RBFOX3: variants seen among roughly 807,000 people sequenced by gnomAD.
RBFOX3 encodes the protein RNA binding fox-1 homolog 3.
In RBFOX3, 17 loss-of-function variants were observed where a neutral mutation model predicts 48.7. The observed-to-expected ratio is 0.35, with a 90% CI of 0.24 to 0.52. The LOEUF (loss-of-function observed/expected upper bound fraction) is 0.52, where lower values mean the gene tolerates loss of function less well. RBFOX3 is among the 20% of genes least tolerant of loss of function. The probability of loss-of-function intolerance (pLI) is 0.94; values close to 1 mark genes in which losing one functional copy is unlikely to be tolerated. For missense variants in RBFOX3, 382 were observed against 497.5 expected (o/e 0.77, Z 2.21); for synonymous variants, 212 against 209.5 (o/e 1.01, Z -0.10).
In RBFOX3 at chr17:79,473,236, C is replaced by A. The variant is rs934975694; in HGVS notation, c.-175+9218G>T. Among the ~76,000 whole-genome samples, 2 of 152,224 alleles carry A rather than the reference C, an allele frequency of 1.3e-5. No individual in the cohort carries two copies. Among genetic ancestry groups the A allele is most frequent in the African/African-American group, 4.8e-5 (2 of 41,456 alleles). ...AGCACCTCACGGGCTGGCACCCATC[C>A]ACAGACCTCACTTTGAGTAGCTGAG... On this transcript the variant is annotated intron_variant, in intron 2 of 14. Transcript: ENST00000693108. This position sits in a 1 kb window ranked among gnomAD's most constrained non-coding sequence, Gnocchi z 4.2.
intron 6 of RBFOX3, among the ~76,000 whole-genome samples, chr17:79,104,480 AT>A (rs2077005372): frequency 6.6e-6 from 1 of 151,834 alleles, no homozygotes; most frequent in African/African-American, 2.4e-5. Flanking sequence ...CCAGCTGGGC[AT>A]GGGGGTAGGC....
intron 2 of RBFOX3, among the ~76,000 whole-genome samples, chr17:79,445,155 A>G (rs2071979684): frequency 6.6e-6 from 1 of 152,188 alleles, no homozygotes; most frequent in Admixed American, 6.5e-5. Flanking sequence ...TCATCAGTCG[A>G]TAGACATTGA....
chr17:79,267,353 T>C (rs73416112), intron 3 of RBFOX3, among the ~76,000 whole-genome samples: 5,444 of 152,106 alleles, frequency 0.036, 288 homozygotes, highest in African/African-American at 0.12. Flanking sequence ...AGTCCTGAAA[T>C]GCTGTGACCC....
At chr17:79,166,259 A>C (rs1208264843) in intron 4 of RBFOX3, among the ~76,000 whole-genome samples, 1 of 146,596 alleles carries the variant, frequency 6.8e-6, no homozygotes, top group Non-Finnish European at 1.5e-5. Flanking sequence ...TGCACCCCCC[A>C]GCGCAGCCTC....
rs1567820106 is a variant in RBFOX3, at chr17:79,194,743, TGTGTGTGTGG to T, written c.-34+41013_-34+41022del. 2.2e-4 allele frequency among the ~76,000 whole-genome samples: 9 copies of T among 40,568 alleles called. No homozygotes were observed. The South Asian group carries it at 0.012, about 56-fold the overall frequency. 26.6% of individuals were successfully genotyped at this position (40,568 alleles called of 152,430 possible). On this transcript the variant is annotated intron_variant, in intron 4 of 14. Transcript: ENST00000693108. The stretch of plus-strand genomic sequence containing the variant: ...GGCCGGTTCTAATTGAGACACTCCC[TGTGTGTGTGG>T]GTGTGTGTGTGTGTGTGTGTGTGTG...
chr17:79,121,805 G>T (rs2035807924), intron 4 of RBFOX3, among the ~76,000 whole-genome samples: 2 of 152,000 alleles, frequency 1.3e-5, no homozygotes, highest in Non-Finnish European at 2.9e-5. Context: ...TTTCTTCCCT[G>T]TCTATGCTGA....
intron 4 of RBFOX3, among the ~76,000 whole-genome samples, chr17:79,168,670 C>T (rs779427116): frequency 1.4e-4 from 21 of 152,238 alleles, no homozygotes; most frequent in Non-Finnish European, 2.2e-4. Context: ...TGAGGTGGGA[C>T]AGTGCCACCT....
chr17:79,341,086 T>C (rs958132441), intron 2 of RBFOX3, among the ~76,000 whole-genome samples: 1 of 152,184 alleles, frequency 6.6e-6, no homozygotes, highest in African/African-American at 2.4e-5. Flanking sequence ...CCTCTGAGTG[T>C]TTGCGGGTGT....
chr17:79,484,361 C>T (rs548151527), intron 1 of RBFOX3, among the ~76,000 whole-genome samples: 106 of 152,318 alleles, frequency 7.0e-4, no homozygotes, highest in South Asian at 2.9e-3. Context: ...GTACAGAGCC[C>T]AGTGCCCACT....
At chr17:79,168,944 G>A (rs905822843) in intron 4 of RBFOX3, among the ~76,000 whole-genome samples, 3 of 152,208 alleles carry the variant, frequency 2.0e-5, no homozygotes, top group African/African-American at 7.2e-5. Context: ...CAATGCAGCC[G>A]TGGCCCCAGA....
chr17:79,482,021 C>T lies in RBFOX3; in HGVS notation c.-175+433G>A, dbSNP rs1378517116. Among the ~76,000 whole-genome samples the T allele has an allele frequency of 1.3e-5, 2 of 152,130 alleles. No homozygotes were observed. Among genetic ancestry groups the T allele is most frequent in the African/African-American group, 4.8e-5 (2 of 41,416 alleles). On this transcript the variant is annotated intron_variant, in intron 2 of 14. Transcript: ENST00000693108. This position sits in a 1 kb window ranked among gnomAD's most constrained non-coding sequence, Gnocchi z 4.1. ...GGGAACAGAGGCATCATGCCGTCCC[C>T]TCTAGAGCCACAGGAAGGCTTCAGG...
chr17:79,207,425 TC>T (rs1366991413), intron 4 of RBFOX3, among the ~76,000 whole-genome samples: 2 of 152,166 alleles, frequency 1.3e-5, no homozygotes, highest in Non-Finnish European at 2.9e-5. Flanking sequence ...GGAGCTACGG[TC>T]AGAGGTGCCT....
intron 5 of RBFOX3, among the ~76,000 whole-genome samples, chr17:79,112,219 C>T (rs530344815): frequency 3.9e-4 from 60 of 152,314 alleles, no homozygotes; most frequent in African/African-American, 1.2e-3. Context: ...AATCAGTGCA[C>T]GCTCCGCCTT....
chr17:79,472,395 C>G (rs2077164214), intron 2 of RBFOX3, among the ~76,000 whole-genome samples: 1 of 152,198 alleles, frequency 6.6e-6, no homozygotes, highest in Non-Finnish European at 1.5e-5. Context: ...GTCCTAACCC[C>G]TAGTACGTTA....
At chr17:79,127,964 G>A (rs919834704) in intron 4 of RBFOX3, among the ~76,000 whole-genome samples, 1 of 152,230 alleles carries the variant, frequency 6.6e-6, no homozygotes, top group African/African-American at 2.4e-5. Flanking sequence ...CTGCTGTTCT[G>A]CATGTCTGCA....
chr17:79,184,332 C>T (rs767301782), intron 4 of RBFOX3, among the ~76,000 whole-genome samples: 2 of 152,288 alleles, frequency 1.3e-5, no homozygotes, highest in African/African-American at 4.8e-5. Context: ...TGCATCCTCC[C>T]CTCCCTGTAC....
chr17:79,352,512 A>C (rs1460498826), intron 2 of RBFOX3, among the ~76,000 whole-genome samples: 2 of 152,202 alleles, frequency 1.3e-5, no homozygotes, highest in East Asian at 3.9e-4. Flanking sequence ...TGAAAACAGA[A>C]GTGCCCTGAG....
chr17:79,350,612 G>A (rs2083733754), intron 2 of RBFOX3, among the ~76,000 whole-genome samples: 2 of 152,194 alleles, frequency 1.3e-5, no homozygotes, highest in African/African-American at 4.8e-5. Flanking sequence ...AGGCAGGCAT[G>A]GCTGTGACCC....
rs535975683 is a variant in RBFOX3 at position 79,103,322 on chromosome 17, C to T, written c.415-68G>A. 9.6e-5 allele frequency: 98 copies of T among 1,024,050 alleles called. No individual in the cohort carries two copies. The highest frequency in any genetic ancestry group is 6.9e-4 in the South Asian group (47 of 67,952). The allele number at this position is 1,024,050 out of a possible 1,614,324, so 63.4% of individuals were successfully genotyped here. A position where few individuals can be genotyped will look rare whatever the true frequency, so the allele number is the denominator to read the frequency against. On this transcript the variant is annotated intron_variant, in intron 7 of 14. Transcript: ENST00000693108. The surrounding 1 kb of genome is among the most constrained non-coding windows in gnomAD (Gnocchi z 6.1). Reference sequence around the variant, plus strand: ...CACAGGGCGAGAAAGAGGAGGAAGACGAGGAAGAAGAGGAGTGGGAGGGGG... The same window carrying T: ...CACAGGGCGAGAAAGAGGAGGAAGATGAGGAAGAAGAGGAGTGGGAGGGGG...
Sources: allele counts gnomAD v4.1 joint callset (sites outside exome capture counted in the v4.1 genomes callset), GRCh38; gene constraint gnomAD v4.1.1; non-coding constraint Gnocchi (gnomAD v3.1); transcripts MANE v1.5; gene names NCBI Gene and HGNC (gene_info 2026-07-23, HGNC 2026-07-21).